Variants in COL25A1 observed in about 807,000 individuals in gnomAD.
COL25A1 encodes collagen alpha-1(XXV) chain.
In COL25A1, 103 loss-of-function variants were observed where a neutral mutation model predicts 128.4. The ratio of observed to expected loss-of-function variants is 0.80; its 90% confidence interval spans 0.68 to 0.94. The LOEUF (loss-of-function observed/expected upper bound fraction) is 0.94, where lower values mean the gene tolerates loss of function less well. Among genes scored for constraint, COL25A1 ranks in the 40% least tolerant of loss-of-function variants. COL25A1 has a pLI of 0.00. For missense variants in COL25A1, 745 were observed against 840.0 expected, an observed-to-expected ratio of 0.89 and a Z score of 1.40; for synonymous variants, 279 against 277.2, an observed-to-expected ratio of 1.01 and a Z score of -0.06.
intron 3 of COL25A1, among the ~76,000 whole-genome samples, chr4:109,204,535 A>G (rs890989606): frequency 6.6e-6 from 1 of 152,168 alleles, no homozygotes; most frequent in African/African-American, 2.4e-5. Context: ...ACCACCAGCA[A>G]TAGTGTATTC....
chr4:109,067,830 T>A (rs1762582336), intron 3 of COL25A1, among the ~76,000 whole-genome samples: 1 of 152,124 alleles, frequency 6.6e-6, no homozygotes, highest in Admixed American at 6.5e-5. Flanking sequence ...ATTAGAGAAA[T>A]GAACAGTTTT....
At chr4:109,254,983 A>G (rs1050556722) in intron 3 of COL25A1, among the ~76,000 whole-genome samples, 2 of 152,232 alleles carry the variant, frequency 1.3e-5, no homozygotes, top group Admixed American at 6.5e-5. Context: ...TAATGCAAAT[A>G]CAAGGCTAAC....
chr4:108,983,130 A>G (rs1159816588), intron 6 of COL25A1, among the ~76,000 whole-genome samples: 4 of 152,216 alleles, frequency 2.6e-5, no homozygotes, highest in Non-Finnish European at 5.9e-5. Context: ...TCTACCTAGC[A>G]TCATTCCTTG....
At chr4:108,908,636 T>A (rs1461906615) in intron 13 of COL25A1, among the ~76,000 whole-genome samples, 2 of 152,192 alleles carry the variant, frequency 1.3e-5, no homozygotes, top group Non-Finnish European at 2.9e-5. Flanking sequence ...AATGGGCTCA[T>A]CTTGCCCGCT....
intron 31 of COL25A1, chr4:108,838,233 G>A (rs1578499169): frequency 1.7e-6 from 2 of 1,192,358 alleles, no homozygotes; most frequent in Non-Finnish European, 2.4e-6. Flanking sequence ...TTTAAACTGT[G>A]AGAGAAGAGA....
At chr4:109,233,224 C>T in intron 3 of COL25A1, among the ~76,000 whole-genome samples, 1 of 152,068 alleles carries the variant, frequency 6.6e-6, no homozygotes, top group East Asian at 1.9e-4. Flanking sequence ...GAATGTACTG[C>T]CTAATGAAAA....
At chr4:109,044,439 C>A (rs1760226483) in intron 5 of COL25A1, among the ~76,000 whole-genome samples, 3 of 151,210 alleles carry the variant, frequency 2.0e-5, no homozygotes, top group South Asian at 2.1e-4. Context: ...CTGCCATTAT[C>A]CCCTGGGCCA....
At chr4:109,053,128 G>T (rs1412126015) in intron 3 of COL25A1, among the ~76,000 whole-genome samples, 3 of 152,136 alleles carry the variant, frequency 2.0e-5, no homozygotes, top group African/African-American at 7.2e-5. Flanking sequence ...AATGAAGAAT[G>T]AATTACAGAA....
intron 6 of COL25A1, among the ~76,000 whole-genome samples, chr4:108,982,334 G>A (rs1456484059): frequency 6.6e-6 from 1 of 152,122 alleles, no homozygotes; most frequent in East Asian, 1.9e-4. Context: ...TACCTCTATC[G>A]TTAAGGAACT....
intron 11 of COL25A1, among the ~76,000 whole-genome samples, chr4:108,927,575 G>C (rs997621029): frequency 5.3e-5 from 8 of 152,018 alleles, no homozygotes; most frequent in African/African-American, 1.9e-4. Context: ...ATTTGAAAAA[G>C]TTCCTCTACA....
intron 5 of COL25A1, among the ~76,000 whole-genome samples, chr4:109,016,899 T>C (rs1424051442): frequency 6.6e-6 from 1 of 152,200 alleles, no homozygotes; most frequent in East Asian, 1.9e-4. Context: ...GACAAGAACT[T>C]GAGACCCAAC....
chr4:109,217,227 T>C (rs1370042472), intron 3 of COL25A1, among the ~76,000 whole-genome samples: 1 of 152,082 alleles, frequency 6.6e-6, no homozygotes, highest in Non-Finnish European at 1.5e-5. Context: ...GATATGCAAT[T>C]TGTTACTTTT....
At chr4:109,206,961 C>T (rs1469195162) in intron 3 of COL25A1, among the ~76,000 whole-genome samples, 2 of 152,120 alleles carry the variant, frequency 1.3e-5, no homozygotes, top group African/African-American at 4.8e-5. Context: ...TCCTTCATTA[C>T]GTATAGAAAT....
chr4:109,219,287 A>G (rs1158557139), intron 3 of COL25A1, among the ~76,000 whole-genome samples: 1 of 152,132 alleles, frequency 6.6e-6, no homozygotes, highest in African/African-American at 2.4e-5. Flanking sequence ...TTTACACATG[A>G]CCAGGTTTCT....
intron 6 of COL25A1, among the ~76,000 whole-genome samples, chr4:109,004,294 G>GAAT (rs1484274672): frequency 6.6e-6 from 1 of 152,068 alleles, no homozygotes; most frequent in Non-Finnish European, 1.5e-5. Context: ...ACCACTCACT[G>GAAT]AATAATAGAC....
intron 3 of COL25A1, among the ~76,000 whole-genome samples, chr4:109,131,179 C>A (rs1177339256): frequency 6.7e-6 from 1 of 149,882 alleles, no homozygotes. Flanking sequence ...TTGTTGGTTG[C>A]TTATTGAAAA....
At chr4:108,961,619 CTGT>C (rs1270882987) in intron 8 of COL25A1, among the ~76,000 whole-genome samples, 26 of 151,232 alleles carry the variant, frequency 1.7e-4, no homozygotes, top group Non-Finnish European at 2.8e-4. Context: ...CTGTTCTGTT[CTGT>C]TCTGTTGTTG....
chr4:109,000,103 C>G (rs1252203447), intron 6 of COL25A1, among the ~76,000 whole-genome samples: 1 of 151,218 alleles, frequency 6.6e-6, no homozygotes, highest in African/African-American at 2.4e-5. Flanking sequence ...TGCCCTAGAA[C>G]TTAAAGTATA....
chr4:109,243,718 A>G (rs1478561601), intron 3 of COL25A1, among the ~76,000 whole-genome samples: 1 of 152,048 alleles, frequency 6.6e-6, no homozygotes, highest in Non-Finnish European at 1.5e-5. Context: ...TAGATCTAAG[A>G]AAGATTTCTC....
Sources: allele counts gnomAD v4.1 joint callset (sites outside exome capture counted in the v4.1 genomes callset), GRCh38; gene constraint gnomAD v4.1.1; transcripts MANE v1.5; gene names NCBI Gene and HGNC (gene_info 2026-07-23, HGNC 2026-07-21).